The following THSD7B variants were observed in gnomAD, a reference collection of about 807,000 sequenced individuals.
The protein encoded by THSD7B is thrombospondin type 1 domain containing 7B.
A neutral mutation model predicts 213.6 loss-of-function variants in THSD7B; 138 were observed. That is an observed-to-expected ratio of 0.65 (90% confidence interval 0.56 to 0.74). The LOEUF is 0.74. Ranked by LOEUF, THSD7B falls within the 30% of genes least tolerant of loss-of-function variation. The probability of loss-of-function intolerance (pLI) is 0.00; values close to 1 mark genes in which losing one functional copy is unlikely to be tolerated. For synonymous variants in THSD7B, 742 were observed against 687.0 expected, an observed-to-expected ratio of 1.08 and a Z score of -1.25; for missense variants, 1,931 against 1,991.5, an observed-to-expected ratio of 0.97 and a Z score of 0.58.
chr2:137,543,276 C>T (rs925930498), intron 15 of THSD7B, among the ~76,000 whole-genome samples: 1 of 151,718 alleles, frequency 6.6e-6, no homozygotes, highest in African/African-American at 2.4e-5. Context: ...CTTTTTTTTG[C>T]TATACAGAAA....
chr2:137,616,418 ATG>A (rs1002296863), intron 18 of THSD7B, 102 bp downstream of exon 18: 2 of 1,062,200 alleles, frequency 1.9e-6, no homozygotes, highest in Admixed American at 2.0e-5. Flanking sequence ...GGAGAGTAGA[ATG>A]TGTGAGTGTA....
rs956709611 is a variant in THSD7B at position 136,950,610 on chromosome 2, T to G, written c.139+68293T>G. Among the ~76,000 whole-genome samples the G allele has an allele frequency of 2.6e-5, 4 of 152,174 alleles. 1 individual carries two copies. In the East Asian group the frequency reaches 7.7e-4, roughly 29 times the overall value. On this transcript the variant is annotated intron_variant, in intron 2 of 27. Transcript: ENST00000409968. ...AAGCTCAGATGGGGTAAATTTACGC[T>G]TAATAATGTTTGAATTGTTTAATTA... is the stretch of plus-strand genomic sequence containing the variant.
At chr2:136,962,403 CTTTTTTTTTTTT>C (rs71400559) in intron 2 of THSD7B, among the ~76,000 whole-genome samples, 3 of 100,170 alleles carry the variant, frequency 3.0e-5, no homozygotes, top group East Asian at 3.0e-4. Flanking sequence ...AATCTGTTAT[CTTTTTTTTTTTT>C]TTTTTTTTTT....
chr2:137,115,030 G>C (rs1688419531), intron 4 of THSD7B, 94 bp from the exon 5 acceptor site: 12 of 1,414,178 alleles, frequency 8.5e-6, no homozygotes, highest in Non-Finnish European at 1.1e-5. Flanking sequence ...TAGAAAGAGA[G>C]ATTATGCCTC....
chr2:136,957,901 T>TTA (rs1431509125), intron 2 of THSD7B, among the ~76,000 whole-genome samples: 2 of 152,190 alleles, frequency 1.3e-5, no homozygotes, highest in African/African-American at 4.8e-5. Flanking sequence ...AAAGTGAGGA[T>TTA]TAATATGCTG....
intron 7 of THSD7B, among the ~76,000 whole-genome samples, chr2:137,226,899 A>T (rs1256614234): frequency 6.6e-6 from 1 of 152,256 alleles, no homozygotes. Flanking sequence ...AATATTGTTC[A>T]TTCATAAAAT....
intron 12 of THSD7B, among the ~76,000 whole-genome samples, chr2:137,321,085 T>A (rs999770231): frequency 1.3e-5 from 2 of 152,244 alleles, no homozygotes; most frequent in Non-Finnish European, 2.9e-5. Context: ...AGATTAGTTA[T>A]ATAAAGTCCT....
intron 6 of THSD7B, among the ~76,000 whole-genome samples, chr2:137,165,762 TACAC>T (rs10582774): frequency 2.3e-4 from 35 of 149,420 alleles, no homozygotes; most frequent in East Asian, 4.0e-4. Flanking sequence ...TCTTAAAAAA[TACAC>T]ACACACACAC....
chr2:136,877,156 A>G (rs1683538250), intron 1 of THSD7B, among the ~76,000 whole-genome samples: 1 of 152,194 alleles, frequency 6.6e-6, no homozygotes. Context: ...CAGGTTTTGT[A>G]ATAGTATACT....
chr2:137,631,612 C>G (rs1682743387), intron 20 of THSD7B, among the ~76,000 whole-genome samples: 1 of 152,090 alleles, frequency 6.6e-6, no homozygotes, highest in African/African-American at 2.4e-5. Flanking sequence ...AAGGGCAAGC[C>G]AATAACTTTA....
chr2:137,643,672 G>A (rs181189506), intron 21 of THSD7B, among the ~76,000 whole-genome samples: 19 of 152,274 alleles, frequency 1.2e-4, no homozygotes, highest in Admixed American at 1.2e-3. Context: ...AAGGAATATT[G>A]CTCCTTATCA....
intron 2 of THSD7B, among the ~76,000 whole-genome samples, chr2:136,887,113 A>T (rs1330762829): frequency 6.6e-6 from 1 of 152,166 alleles, no homozygotes; most frequent in Admixed American, 6.6e-5. Context: ...TTACCATTTT[A>T]ACCACTTCAA....
chr2:137,583,069 T>C (rs1026503746), intron 17 of THSD7B, among the ~76,000 whole-genome samples: 7 of 152,244 alleles, frequency 4.6e-5, no homozygotes. Context: ...GTGGTTTTGA[T>C]TTGCATTTCT....
intron 10 of THSD7B, among the ~76,000 whole-genome samples, chr2:137,244,891 C>T (rs1681991056): frequency 6.6e-6 from 1 of 152,172 alleles, no homozygotes; most frequent in Admixed American, 6.5e-5. Context: ...GAAATTGTAT[C>T]TATAAGCCTA....
chr2:137,183,469 A>G (rs528271588), intron 7 of THSD7B, among the ~76,000 whole-genome samples: 158 of 152,272 alleles, frequency 1.0e-3, no homozygotes, highest in South Asian at 4.4e-3. Context: ...AGATGTTTGA[A>G]AGCATTATTT....
intron 1 of THSD7B, among the ~76,000 whole-genome samples, chr2:136,776,632 C>A (rs1364484006): frequency 1.3e-5 from 2 of 152,100 alleles, no homozygotes; most frequent in African/African-American, 4.8e-5. Context: ...GATTTGGCAA[C>A]AAGGTTGGCA....
chr2:136,931,898 A>C (rs939383819), intron 2 of THSD7B, among the ~76,000 whole-genome samples: 2 of 152,220 alleles, frequency 1.3e-5, no homozygotes, highest in African/African-American at 4.8e-5. Flanking sequence ...TTCAAATAAC[A>C]TTTTAGGCAT....
intron 9 of THSD7B, 39 bp downstream of exon 9, chr2:137,233,172 T>A: frequency 6.4e-7 from 1 of 1,550,880 alleles, no homozygotes; most frequent in Non-Finnish European, 8.8e-7. Flanking sequence ...ATTTGCTTAT[T>A]TCATGTTGAG....
In THSD7B at chr2:137,057,200, C is replaced by G; in HGVS notation, c.920C>G (p.Thr307Arg). Reference protein sequence around the residue: ...IGYQTRQVSCTRSDGQNAMLS... With the variant: ...IGYQTRQVSCRRSDGQNAMLS... ...TATCAAACCCGGCAGGTTTCGTGTA[C>G]AAGAAGTGATGGACAAAATGCTATG... Residue 307 changes from threonine (T) to arginine (R), a missense_variant, in exon 3 of 28, where the codon ACA becomes AGA. Physicochemically the swap from Thr to Arg is moderately conservative, Grantham distance 71 (BLOSUM62 -1). Coordinates refer to ENST00000409968, the MANE Select transcript of THSD7B (RefSeq NM_001316349.2). 6.2e-7 allele frequency: 1 copy of G among 1,613,268 alleles called. No individual in the cohort carries two copies.
Sources: allele counts gnomAD v4.1 joint callset (sites outside exome capture counted in the v4.1 genomes callset), GRCh38; gene constraint gnomAD v4.1.1; transcripts MANE v1.5; gene names NCBI Gene and HGNC (gene_info 2026-07-23, HGNC 2026-07-21).